SPACA3: variants seen among roughly 807,000 people sequenced by gnomAD.
The protein encoded by SPACA3 is sperm acrosome associated 3, also known as sperm acrosome membrane-associated protein 3.
Under a neutral mutation model 24.5 loss-of-function variants are expected in SPACA3, and 21 were observed. The observed-to-expected ratio is 0.86, with a 90% CI of 0.61 to 1.24. The LOEUF (loss-of-function observed/expected upper bound fraction) is 1.24. Ranked by LOEUF, SPACA3 falls within the 50% of genes most tolerant of loss-of-function variation. The pLI is 0.00. For missense variants in SPACA3, 278 were observed against 275.5 expected (o/e 1.01, Z -0.06); for synonymous variants, 115 against 106.9 (o/e 1.08, Z -0.47).
At chr17:32,994,949 GGAGAAAGAGCAGCTTCCCCTT>G (rs2091712660) in intron 1 of SPACA3, among the ~76,000 whole-genome samples, 1 of 152,172 alleles carries the variant, frequency 6.6e-6, no homozygotes, top group Non-Finnish European at 1.5e-5. Context: ...TCTTGTGTGT[GGAGAAAGAGCAGCTTCCCCTT>G]GAGCGGGCTA....
intron 1 of SPACA3, chr17:32,992,753 G>C: frequency 7.5e-6 from 3 of 398,242 alleles, no homozygotes; most frequent in South Asian, 5.8e-5. Flanking sequence ...AGAAAGCAAG[G>C]TCATTGTGAG....
chr17:32,995,875 CA>C (rs1203362793), intron 2 of SPACA3, among the ~76,000 whole-genome samples, 158 bp downstream of exon 2: 24 of 152,296 alleles, frequency 1.6e-4, no homozygotes, highest in Admixed American at 1.4e-3. Context: ...GAACAGCCAG[CA>C]CGGAGTAAAA....
chr17:32,996,815 C>T (rs1256310152), intron 2 of SPACA3, 28 bp from the exon 3 acceptor site: 3 of 1,488,216 alleles, frequency 2.0e-6, no homozygotes, highest in Non-Finnish European at 2.7e-6. Context: ...ACCATCTGAC[C>T]CCCAGGCCTA....
chr17:32,997,312 AGTGTGTGTGTGT>A (rs376224282), intron 3 of SPACA3, 121 bp from the exon 4 acceptor site: 7 of 511,098 alleles, frequency 1.4e-5, no homozygotes, highest in East Asian at 3.7e-5. Flanking sequence ...AGGCGAGTGG[AGTGTGTGTGTGT>A]GTGTGTGTGT....
intron 3 of SPACA3, 101 bp from the exon 4 acceptor site, chr17:32,997,333 GTGTGTGTGTGT>G: frequency 1.3e-6 from 1 of 780,964 alleles, no homozygotes; most frequent in South Asian, 1.7e-5. Context: ...GTGTGTGTGT[GTGTGTGTGTGT>G]AGAGAGAGAG....
chr17:32,997,056 T>C (rs998200204), intron 3 of SPACA3, 55 bp downstream of exon 3: 24 of 1,468,298 alleles, frequency 1.6e-5, no homozygotes, highest in Middle Eastern at 1.9e-4. Flanking sequence ...TTAGCTTTTG[T>C]TCCATTCCCA....
chr17:32,993,420 A>C (rs2091702991), intron 1 of SPACA3, among the ~76,000 whole-genome samples: 1 of 152,186 alleles, frequency 6.6e-6, no homozygotes, highest in African/African-American at 2.4e-5. Flanking sequence ...AAAGCATATC[A>C]GCGTTTATGG....
At chr17:32,993,403 G>GC (rs1339307005) in intron 1 of SPACA3, among the ~76,000 whole-genome samples, 1 of 152,190 alleles carries the variant, frequency 6.6e-6, no homozygotes, top group East Asian at 1.9e-4. Context: ...AGGCAGGAAG[G>GC]CCTTAGAAAG....
intron 1 of SPACA3, 55 bp from the exon 2 acceptor site, chr17:32,995,354 G>A (rs1015121268): frequency 1.9e-5 from 28 of 1,512,398 alleles, no homozygotes; most frequent in South Asian, 5.1e-5. Flanking sequence ...GGGCTGATAC[G>A]TGCTGCTGGA....
At chr17:32,996,136 C>T (rs1214910322) in intron 2 of SPACA3, among the ~76,000 whole-genome samples, 1 of 152,184 alleles carries the variant, frequency 6.6e-6, no homozygotes, top group African/African-American at 2.4e-5. Flanking sequence ...ATCTTTCTAA[C>T]AGGTCGAGCA....
At chr17:32,996,488 CAAAAA>C (rs71144856) in intron 2 of SPACA3, among the ~76,000 whole-genome samples, 3 of 103,614 alleles carry the variant, frequency 2.9e-5, no homozygotes, top group Non-Finnish European at 4.1e-5. Flanking sequence ...GACTCCGTCT[CAAAAA>C]AAAAAAAAAA....
intron 1 of SPACA3, chr17:32,993,130 C>T (rs1431463634): frequency 5.5e-6 from 2 of 364,144 alleles, no homozygotes; most frequent in South Asian, 2.1e-5. Flanking sequence ...ATTCATATTT[C>T]CAGTTTGGGT....
chr17:32,993,070 A>G (rs2091700356), intron 1 of SPACA3: 4 of 404,694 alleles, frequency 9.9e-6, no homozygotes, highest in South Asian at 7.7e-5. Context: ...ATTGGGACTG[A>G]TTGGTTGGAA....
At chr17:32,992,073 GT>G (rs1324906550) in intron 1 of SPACA3, 101 bp downstream of exon 1, 5 of 1,326,714 alleles carry the variant, frequency 3.8e-6, no homozygotes, top group East Asian at 5.0e-5. Flanking sequence ...TTAGGGTGGG[GT>G]TATCCTGGCC....
intron 1 of SPACA3, among the ~76,000 whole-genome samples, chr17:32,994,546 T>C (rs1034204901): frequency 6.6e-6 from 1 of 152,142 alleles, no homozygotes; most frequent in Non-Finnish European, 1.5e-5. Context: ...TTTTTGACTC[T>C]GTGAAGGTGG....
At position 32,997,736 on chromosome 17, in the gene SPACA3, G is replaced by A; in HGVS notation, c.606G>A (p.Gln202=). The change falls in exon 5 of 5, where the codon CAG becomes CAA. Residue 202 remains glutamine (Q), a synonymous_variant. Coordinates refer to ENST00000269053, the MANE Select transcript of SPACA3 (RefSeq NM_173847.5). The part of the protein sequence containing the change: ...GYWEAWRHHC[Q]GKDLTEWVDG... ...GGGAGGCCTGGAGGCATCACTGCCA[G>A]GGAAAAGACCTCACTGAATGGGTGG... 1 of 1,614,232 alleles carries A rather than the reference G, an allele frequency of 6.2e-7. No individual in the cohort carries two copies.
chr17:32,995,816 C>A, intron 2 of SPACA3, 99 bp downstream of exon 2: 14 of 1,321,666 alleles, frequency 1.1e-5, no homozygotes, highest in Non-Finnish European at 1.4e-5. Context: ...GCTTCGGGAG[C>A]TTTTAGAGCC....
At chr17:32,996,769 C>T (rs1176251036) in intron 2 of SPACA3, 74 bp from the exon 3 acceptor site, 1 of 1,390,422 alleles carries the variant, frequency 7.2e-7, no homozygotes, top group African/African-American at 1.5e-5. Flanking sequence ...CAGCGTGGGA[C>T]CTGTGCAGTG....
At chr17:32,994,020 G>A (rs1436961375) in intron 1 of SPACA3, among the ~76,000 whole-genome samples, 1 of 152,128 alleles carries the variant, frequency 6.6e-6, no homozygotes, top group Non-Finnish European at 1.5e-5. Flanking sequence ...CAGGGCTAAG[G>A]CAGAAAGAGG....
Sources: allele counts gnomAD v4.1 joint callset (sites outside exome capture counted in the v4.1 genomes callset), GRCh38; gene constraint gnomAD v4.1.1; transcripts MANE v1.5; gene names NCBI Gene and HGNC (gene_info 2026-07-23, HGNC 2026-07-21).